The following UGT1A9 variants were observed in gnomAD, a reference collection of about 807,000 sequenced individuals.
UGT1A9 encodes the protein UDP glucuronosyltransferase family 1 member A9, also known as UDP-glucuronosyltransferase 1A9.
UGT1A9 carries 35 observed loss-of-function variants against 45.0 expected under a neutral mutation model. That is an observed-to-expected ratio of 0.78 (90% CI 0.59 to 1.03). UGT1A9 has a LOEUF of 1.03. Among genes scored for constraint, UGT1A9 ranks in the 50% least tolerant of loss-of-function variants. The probability of loss-of-function intolerance (pLI) is 0.00; values close to 1 mark genes in which losing one functional copy is unlikely to be tolerated. For missense variants in UGT1A9, 687 were observed against 666.6 expected (o/e 1.03, Z -0.34); for synonymous variants, 278 against 250.6 (o/e 1.11, Z -1.03).
chr2:233,767,305 GT>G (rs1444114295), intron 2 of UGT1A9, 140 bp downstream of exon 2: 24 of 1,519,088 alleles, frequency 1.6e-5, no homozygotes, highest in Middle Eastern at 1.8e-4. Context: ...TAATCCAAAG[GT>G]TTTTTTTGTT....
At chr2:233,746,978 G>A (rs1312298937) in intron 1 of UGT1A9, among the ~76,000 whole-genome samples, 2 of 151,796 alleles carry the variant, frequency 1.3e-5, no homozygotes, top group Non-Finnish European at 2.9e-5. Flanking sequence ...CCCAGAGCGA[G>A]CGCAGGGTCA....
chr2:233,678,372 T>C (rs941504782), intron 1 of UGT1A9, among the ~76,000 whole-genome samples: 2 of 152,050 alleles, frequency 1.3e-5, no homozygotes, highest in South Asian at 2.1e-4. Flanking sequence ...TCATCTTCCA[T>C]TGAGTGGGCT....
At chr2:233,675,556 C>T (rs892235925) in intron 1 of UGT1A9, among the ~76,000 whole-genome samples, 1 of 152,048 alleles carries the variant, frequency 6.6e-6, no homozygotes, top group African/African-American at 2.4e-5. Flanking sequence ...TGGCTATAGT[C>T]CAAGATCCAA....
At chr2:233,682,391 G>A (rs767701410) in intron 1 of UGT1A9, 9 of 1,613,738 alleles carry the variant, frequency 5.6e-6, no homozygotes, top group African/African-American at 2.7e-5. Flanking sequence ...TCCTTTTGAT[G>A]CCTGTGGCTT....
rs558356938 is a variant in UGT1A9 at position 233,722,599 on chromosome 2, T to C, written c.856-44435T>C. Among the ~76,000 whole-genome samples the C allele has an allele frequency of 1.3e-4, 20 of 152,338 alleles. 1 individual carries two copies. In the South Asian group the frequency reaches 4.1e-3, roughly 32 times the overall value. On this transcript the variant is annotated intron_variant, in intron 1 of 4. Transcript: ENST00000354728. ...AACTTCGTTAGAGGACTATTACACT[T>C]CTTTACATTTGATTTTTCTTAATGA... is the stretch of plus-strand genomic sequence containing the variant.
At position 233,672,052 on chromosome 2, in the gene UGT1A9, A is replaced by G; in HGVS notation, c.118A>G (p.Thr40Ala). ...VVPMDGSHWF[T>A]MRSVVEKLIL... is the part of the protein sequence containing the mutation. ...GCCCATGGATGGGAGCCACTGGTTC[A>G]CCATGAGGTCGGTGGTGGAGAAACT... Residue 40 changes from threonine to alanine, a missense_variant, in exon 1 of 5, where the codon ACC (threonine) becomes GCC (alanine). Coordinates refer to ENST00000354728, the MANE Select transcript of UGT1A9 (RefSeq NM_021027.3). 6.2e-7 allele frequency: 1 copy of G among 1,614,138 alleles called. No individual in the cohort carries two copies. The highest frequency in any genetic ancestry group is 2.2e-5 in the East Asian group (1 of 44,876).
intron 1 of UGT1A9, chr2:233,693,996 G>T: frequency 6.6e-7 from 1 of 1,508,252 alleles, no homozygotes; most frequent in African/African-American, 1.4e-5. Context: ...GTGATACCCG[G>T]CTCGGAGCAG....
chr2:233,682,379 G>A (rs768980340), intron 1 of UGT1A9: 1 of 1,613,868 alleles, frequency 6.2e-7, no homozygotes, highest in African/African-American at 1.3e-5. Flanking sequence ...AGTGTTTCTC[G>A]ATCCTTTTGA....
chr2:233,747,300 G>A (rs1415294813), intron 1 of UGT1A9: 68 of 1,602,464 alleles, frequency 4.2e-5, no homozygotes, highest in Admixed American at 3.8e-4. Flanking sequence ...CTGAGAGTGG[G>A]AAGGTGCTGG....
At chr2:233,758,428 C>T (rs1696877541) in intron 1 of UGT1A9, among the ~76,000 whole-genome samples, 2 of 152,212 alleles carry the variant, frequency 1.3e-5, no homozygotes. Context: ...CAAATGAACT[C>T]ACACAGCATT....
intron 1 of UGT1A9, chr2:233,747,317 C>G (rs1693621647): frequency 6.2e-7 from 1 of 1,603,094 alleles, no homozygotes; most frequent in African/African-American, 1.3e-5. Context: ...CTGGTGGTAC[C>G]CATTGATGGC....
At chr2:233,681,851 G>C (rs910682008) in intron 1 of UGT1A9, 2 of 1,517,658 alleles carry the variant, frequency 1.3e-6, no homozygotes, top group African/African-American at 2.8e-5. Context: ...GCCTTCTTTT[G>C]AGGGCAGGTT....
chr2:233,727,615 G>A (rs1416380597), intron 1 of UGT1A9, among the ~76,000 whole-genome samples: 1 of 152,148 alleles, frequency 6.6e-6, no homozygotes, highest in Non-Finnish European at 1.5e-5. Flanking sequence ...TAGTTCAGAG[G>A]CTGAGAGGTT....
intron 1 of UGT1A9, among the ~76,000 whole-genome samples, chr2:233,724,861 A>T (rs2077325347): frequency 7.8e-6 from 1 of 128,420 alleles, no homozygotes; most frequent in African/African-American, 3.4e-5. Context: ...TGGGAGGTGT[A>T]GGTTGTAGTG....
At chr2:233,715,160 A>T (rs1169794492) in intron 1 of UGT1A9, among the ~76,000 whole-genome samples, 1 of 152,210 alleles carries the variant, frequency 6.6e-6, no homozygotes, top group Non-Finnish European at 1.5e-5. Flanking sequence ...TGCTGGAATT[A>T]CAGGCGCGAG....
In UGT1A9 at chr2:233,769,761, G is replaced by C; in HGVS notation, c.1295+1322G>C. 7.1e-6 allele frequency: 10 copies of C among 1,414,228 alleles called. No homozygotes were observed. The highest frequency in any genetic ancestry group is 9.3e-6 in the Non-Finnish European group (10 of 1,080,644). 87.6% of individuals were successfully genotyped at this position (1,414,228 alleles called of 1,614,324 possible). A position where few individuals can be genotyped will look rare whatever the true frequency, so the allele number is the denominator to read the frequency against. On this transcript the variant is annotated intron_variant, in intron 4 of 4. Transcript: ENST00000354728. The surrounding 1 kb of genome is among the most constrained non-coding windows in gnomAD (Gnocchi z 4.4). ...TCCCAGCCACTCTGGAGGCTAAGGC[G>C]GGAGGATTGCTTGAGCCCAGAAGTT...
At chr2:233,715,581 G>T (rs2076458979) in intron 1 of UGT1A9, among the ~76,000 whole-genome samples, 4 of 152,084 alleles carry the variant, frequency 2.6e-5, no homozygotes, top group Middle Eastern at 6.8e-3. Flanking sequence ...AGAGCAGCCT[G>T]GGCAACATGC....
intron 1 of UGT1A9, chr2:233,741,673 T>C (rs1691737205): frequency 6.6e-6 from 1 of 151,938 alleles, no homozygotes; most frequent in Non-Finnish European, 1.5e-5. Context: ...TGCTGTTTAT[T>C]GCTTGGGTGC....
At chr2:233,683,946 G>A (rs2074657206) in intron 1 of UGT1A9, among the ~76,000 whole-genome samples, 1 of 152,126 alleles carries the variant, frequency 6.6e-6, no homozygotes, top group South Asian at 2.1e-4. Context: ...TGTTGGTCTA[G>A]CCAGCTTAAA....
Sources: allele counts gnomAD v4.1 joint callset (sites outside exome capture counted in the v4.1 genomes callset), GRCh38; gene constraint gnomAD v4.1.1; non-coding constraint Gnocchi (gnomAD v3.1); transcripts MANE v1.5; gene names NCBI Gene and HGNC (gene_info 2026-07-23, HGNC 2026-07-21).